The following TNRC6B variants were observed in gnomAD, a reference collection of about 807,000 sequenced individuals.
The protein encoded by TNRC6B is trinucleotide repeat containing adaptor 6B, also known as trinucleotide repeat-containing gene 6B protein.
In TNRC6B, 52 loss-of-function variants were observed where a neutral mutation model predicts 203.6. The observed-to-expected ratio is 0.26, with a 90% CI of 0.20 to 0.32. TNRC6B has a LOEUF of 0.32. TNRC6B is among the 10% of genes least tolerant of loss of function. TNRC6B has a pLI of 1.00. For missense variants in TNRC6B, 1,923 were observed against 2,286.2 expected (o/e 0.84, Z 3.24); for synonymous variants, 838 against 845.7 (o/e 0.99, Z 0.16).
At chr22:40,293,565 A>T (rs1174892112) in intron 12 of TNRC6B, among the ~76,000 whole-genome samples, 1 of 139,308 alleles carries the variant, frequency 7.2e-6, no homozygotes. Flanking sequence ...GGCAGGTTTT[A>T]CTTTGGTGGT....
At chr22:40,280,185 C>T (rs184666931) in intron 10 of TNRC6B, 42 bp downstream of exon 10, 27 of 1,578,452 alleles carry the variant, frequency 1.7e-5, no homozygotes, top group African/African-American at 6.8e-5. Flanking sequence ...TCATGAGAAC[C>T]GCTTTGGTTC....
intron 1 of TNRC6B, among the ~76,000 whole-genome samples, chr22:40,217,972 C>CAAAAA (rs138025): frequency 7.1e-5 from 8 of 112,674 alleles, no homozygotes; most frequent in Non-Finnish European, 8.6e-5. Flanking sequence ...GACTCCATCT[C>CAAAAA]AAAAAAAAAA....
intron 5 of TNRC6B, among the ~76,000 whole-genome samples, chr22:40,269,878 A>G (rs1229790744): frequency 6.0e-5 from 8 of 132,310 alleles, no homozygotes; most frequent in African/African-American, 2.3e-4. Context: ...ATGGAGCAAG[A>G]CTCTGTCTCA....
intron 1 of TNRC6B, among the ~76,000 whole-genome samples, chr22:40,240,298 A>C (rs532042163): frequency 1.3e-4 from 20 of 152,306 alleles, no homozygotes; most frequent in African/African-American, 4.6e-4. Flanking sequence ...TGGTGTTTGC[A>C]CTTGCTTTAT....
chr22:40,163,456 CAAAAAAAAA>C (rs1180212519), intron 4 of TNRC6B, among the ~76,000 whole-genome samples: 8 of 7,000 alleles, frequency 1.1e-3, no homozygotes, highest in Admixed American at 1.9e-3. Flanking sequence ...GACCCTGTCT[CAAAAAAAAA>C]AAAAAAAAAA....
At chr22:40,314,759 C>T (rs1461021459) in intron 19 of TNRC6B, among the ~76,000 whole-genome samples, 6 of 152,218 alleles carry the variant, frequency 3.9e-5, no homozygotes, top group Non-Finnish European at 5.9e-5. Context: ...GCACTGATTT[C>T]GTGCCGTATG....
chr22:40,236,352 A>G (rs2069947399), intron 1 of TNRC6B, among the ~76,000 whole-genome samples: 1 of 152,202 alleles, frequency 6.6e-6, no homozygotes, highest in Non-Finnish European at 1.5e-5. Flanking sequence ...ACAGTATGAC[A>G]CTTTTGGGAG....
At chr22:40,296,629 G>A (rs2070947220) in intron 12 of TNRC6B, among the ~76,000 whole-genome samples, 1 of 143,154 alleles carries the variant, frequency 7.0e-6, no homozygotes, top group Admixed American at 6.9e-5. Flanking sequence ...ACCGCGCCCG[G>A]CCTTTTTTTT....
intron 7 of TNRC6B, among the ~76,000 whole-genome samples, chr22:40,275,253 C>T (rs896102212): frequency 1.3e-5 from 2 of 152,214 alleles, no homozygotes; most frequent in African/African-American, 4.8e-5. Context: ...ATTCCTTGCA[C>T]TCTTAGGTTG....
rs1292227314 is a variant in TNRC6B, at chr22:40,132,943, C to CAAAAATAAAAAATAAAAAAAA, written c.45+7086_45+7087insTAAAAAATAAAAAAAAAAAAA. Reference sequence around the variant, plus strand: ...TGGGGGACAGAGCAAGACTCTGTCTCAAAAAAAAAAAAAAAAAAAAAAAAA... The same window carrying CAAAAATAAAAAATAAAAAAAA: ...TGGGGGACAGAGCAAGACTCTGTCTCAAAAATAAAAAATAAAAAAAAAAAAAAAAAAAAAAAAAAAAAAAAA... On this transcript the variant is annotated intron_variant, in intron 3 of 23. Coordinates refer to the TNRC6B transcript ENST00000301923. 1.7e-4 allele frequency among the ~76,000 whole-genome samples: 4 copies of CAAAAATAAAAAATAAAAAAAA among 23,880 alleles called. 1 individual carries two copies. Among genetic ancestry groups the CAAAAATAAAAAATAAAAAAAA allele is most frequent in the Non-Finnish European group, 1.9e-4 (3 of 15,970 alleles). 15.7% of individuals were successfully genotyped at this position (23,880 alleles called of 152,430 possible).
chr22:40,090,964 C>A (rs1219153857), intron 1 of TNRC6B, among the ~76,000 whole-genome samples: 9 of 152,134 alleles, frequency 5.9e-5, no homozygotes, highest in Admixed American at 5.9e-4. Context: ...AATGATGAGA[C>A]AATCTGAATA....
chr22:40,225,292 G>C (rs946401034), intron 1 of TNRC6B, among the ~76,000 whole-genome samples: 44 of 152,094 alleles, frequency 2.9e-4, no homozygotes, highest in African/African-American at 1.1e-3. Context: ...GAGGGGTCCG[G>C]AGACACAAAG....
At chr22:40,282,523 G>A (rs1569053213) in intron 11 of TNRC6B, among the ~76,000 whole-genome samples, 1 of 152,164 alleles carries the variant, frequency 6.6e-6, no homozygotes, top group East Asian at 1.9e-4. Context: ...TAGAAAACAT[G>A]AAATAGGCAT....
chr22:40,150,168 G>A (rs2068736622), intron 3 of TNRC6B, among the ~76,000 whole-genome samples: 3 of 152,062 alleles, frequency 2.0e-5, no homozygotes, highest in Admixed American at 6.5e-5. Context: ...ACGAGGTCAG[G>A]AGATCAAGAC....
intron 21 of TNRC6B, among the ~76,000 whole-genome samples, chr22:40,320,312 T>G (rs770020934): frequency 3.5e-4 from 53 of 152,142 alleles, no homozygotes; most frequent in Non-Finnish European, 7.3e-5. Flanking sequence ...AAACCCTGTC[T>G]CTATTAAAAA....
At chr22:40,273,650 G>A in intron 7 of TNRC6B, 50 bp downstream of exon 7, 1 of 1,486,752 alleles carries the variant, frequency 6.7e-7, no homozygotes, top group East Asian at 2.5e-5. Context: ...TGAGAAGGCA[G>A]AACTGAGGTT....
At chr22:40,225,450 C>T (rs373026973) in intron 1 of TNRC6B, among the ~76,000 whole-genome samples, 4 of 152,080 alleles carry the variant, frequency 2.6e-5, no homozygotes, top group Admixed American at 1.3e-4. Context: ...TATTTGAGGC[C>T]GGGTGCAGTG....
chr22:40,295,964 T>C (rs904038892), intron 12 of TNRC6B, among the ~76,000 whole-genome samples: 4 of 152,198 alleles, frequency 2.6e-5, no homozygotes, highest in African/African-American at 7.2e-5. Context: ...CCTCCCTGTC[T>C]GTGATTTTTG....
At position 40,178,106 on chromosome 22, in the gene TNRC6B, A is replaced by G. The variant is rs1387554565; in HGVS notation, c.-30A>G. 2.5e-6 allele frequency: 4 copies of G among 1,611,392 alleles called. No individual in the cohort carries two copies. Among genetic ancestry groups the G allele is most frequent in the Non-Finnish European group, 1.7e-6 (2 of 1,179,092 alleles). ...TTCCATTTCTACCTTGTATGCCTCA[A>G]TTTGCTGGATTTAAGCACTGCTGCA... On this transcript the variant is annotated 5_prime_UTR_variant, in exon 1 of 23. Transcript: ENST00000454349.
Sources: gnomAD v4.1 joint callset for allele counts (sites outside exome capture counted in the v4.1 genomes callset) on GRCh38, gnomAD v4.1.1 for gene constraint, MANE v1.5 for transcripts, NCBI Gene and HGNC (gene_info 2026-07-23, HGNC 2026-07-21) for gene names.